GLT8D2: variants seen among roughly 807,000 people sequenced by gnomAD.
GLT8D2 encodes glycosyltransferase 8 domain containing 2.
GLT8D2 carries 45 observed loss-of-function variants against 44.5 expected under a neutral mutation model. That is an observed-to-expected ratio of 1.01 (90% confidence interval 0.80 to 1.30). GLT8D2 has a LOEUF of 1.30. GLT8D2 is among the 50% of genes most tolerant of loss of function. GLT8D2 has a pLI of 0.00. For missense variants in GLT8D2, 400 were observed against 430.4 expected (o/e 0.93, Z 0.62); for synonymous variants, 156 against 157.2 (o/e 0.99, Z 0.06).
chr12:104,023,153 G>T (rs2136393518), intron 1 of GLT8D2, among the ~76,000 whole-genome samples: 1 of 152,268 alleles, frequency 6.6e-6, no homozygotes, highest in Admixed American at 6.5e-5. Context: ...CAGGGGGAGG[G>T]AGAGCATCAG....
chr12:104,015,186 T>C (rs940884608), intron 3 of GLT8D2, 81 bp from the exon 4 acceptor site: 7 of 985,910 alleles, frequency 7.1e-6, no homozygotes, highest in South Asian at 6.9e-5. Context: ...GTAGTGCGAG[T>C]AGGTGCCTTC....
At chr12:104,029,540 T>C (rs1878999583) in intron 1 of GLT8D2, among the ~76,000 whole-genome samples, 1 of 152,138 alleles carries the variant, frequency 6.6e-6, no homozygotes, top group Non-Finnish European at 1.5e-5. Context: ...ACTGAGACAA[T>C]GCTAATGTGG....
intron 1 of GLT8D2, among the ~76,000 whole-genome samples, chr12:104,063,482 C>G (rs1236633873): frequency 4.6e-5 from 7 of 152,176 alleles, no homozygotes; most frequent in Non-Finnish European, 8.8e-5. Context: ...GGAGCTCGAG[C>G]TTGCAGTGAG....
intron 5 of GLT8D2, 98 bp from the exon 6 acceptor site, chr12:103,999,612 A>G: frequency 1.4e-6 from 1 of 729,306 alleles, no homozygotes; most frequent in Non-Finnish European, 2.4e-6. Flanking sequence ...CTAGAAAGTT[A>G]AAATTAAAAT....
intron 1 of GLT8D2, among the ~76,000 whole-genome samples, chr12:104,035,161 G>A (rs1488592095): frequency 6.6e-6 from 1 of 152,134 alleles, no homozygotes; most frequent in Non-Finnish European, 1.5e-5. Context: ...CTCAGTTGTA[G>A]GTCACCAACA....
chr12:103,996,669 C>G (rs1873458791), intron 8 of GLT8D2, 66 bp downstream of exon 8: 1 of 1,137,482 alleles, frequency 8.8e-7, no homozygotes, highest in Non-Finnish European at 1.3e-6. Flanking sequence ...TTTTGACTTG[C>G]AGAGGGGGGA....
At chr12:104,060,239 C>T (rs1882521189) in intron 1 of GLT8D2, among the ~76,000 whole-genome samples, 1 of 152,230 alleles carries the variant, frequency 6.6e-6, no homozygotes, top group Admixed American at 6.5e-5. Flanking sequence ...TCATGAGTGC[C>T]TCCTCTTGTC....
intron 4 of GLT8D2, among the ~76,000 whole-genome samples, chr12:104,013,389 C>T (rs1876122980): frequency 6.6e-6 from 1 of 151,972 alleles, no homozygotes; most frequent in Non-Finnish European, 1.5e-5. Context: ...TCATTTGTTC[C>T]TTTTTACTGT....
intron 1 of GLT8D2, among the ~76,000 whole-genome samples, chr12:104,044,303 C>T (rs543764414): frequency 1.3e-5 from 2 of 152,304 alleles, no homozygotes; most frequent in East Asian, 3.9e-4. Flanking sequence ...TACCATCTTC[C>T]AACAGACTGC....
intron 3 of GLT8D2, among the ~76,000 whole-genome samples, chr12:104,018,254 G>T (rs965023724): frequency 6.6e-6 from 1 of 152,128 alleles, no homozygotes; most frequent in Non-Finnish European, 1.5e-5. Flanking sequence ...ATACAGGCAT[G>T]AGCCACCGCA....
chr12:104,016,491 G>A (rs1876612675), intron 3 of GLT8D2, among the ~76,000 whole-genome samples: 1 of 151,574 alleles, frequency 6.6e-6, no homozygotes, highest in Non-Finnish European at 1.5e-5. Flanking sequence ...ACAAAAATTA[G>A]CCAGGTGTTG....
chr12:104,024,927 A>T (rs539807592), intron 1 of GLT8D2, among the ~76,000 whole-genome samples: 32 of 151,988 alleles, frequency 2.1e-4, no homozygotes, highest in South Asian at 1.7e-3. Context: ...AAAATTAACC[A>T]GGCGTGGTGG....
intron 1 of GLT8D2, among the ~76,000 whole-genome samples, chr12:104,045,117 A>G (rs563664083): frequency 2.0e-3 from 300 of 152,312 alleles, no homozygotes; most frequent in African/African-American, 7.0e-3. Context: ...TGTTGAATCA[A>G]TGAGAATCAG....
intron 3 of GLT8D2, among the ~76,000 whole-genome samples, chr12:104,015,435 C>CACACACACAA (rs1566198673): frequency 6.9e-6 from 1 of 144,620 alleles, no homozygotes; most frequent in Non-Finnish European, 1.5e-5. Context: ...CACACACACA[C>CACACACACAA]AAATTAGCTG....
chr12:103,989,971 T>C (rs916399671), intron 10 of GLT8D2, among the ~76,000 whole-genome samples: 6 of 151,752 alleles, frequency 4.0e-5, no homozygotes, highest in Non-Finnish European at 7.4e-5. Flanking sequence ...AATGATACTA[T>C]TTATTGACCA....
Position 104,021,912 on chromosome 12 carries a change from GAA to G in GLT8D2, c.-163-423_-163-422del, listed in dbSNP as rs1566202253. Among the ~76,000 whole-genome samples the G allele has an allele frequency of 2.4e-3, 39 of 16,332 alleles. 3 individuals are homozygous for G. The highest frequency in any genetic ancestry group is 8.9e-3 in the Admixed American group (10 of 1,126). The allele number at this position is 16,332 out of a possible 152,430, so 10.7% of individuals were successfully genotyped here. A position where few individuals can be genotyped will look rare whatever the true frequency, so the allele number is the denominator to read the frequency against. Reference sequence around the variant, plus strand: ...AGAAGAAGAAGAAGAAGAAGAAGAAGAAGAAGAAGAAGAAGAAGAAGAAGAAG... The same window carrying G: ...AGAAGAAGAAGAAGAAGAAGAAGAAGGAAGAAGAAGAAGAAGAAGAAGAAG... On this transcript the variant is annotated intron_variant, in intron 1 of 10. Transcript: ENST00000360814.
intron 10 of GLT8D2, among the ~76,000 whole-genome samples, chr12:103,992,018 T>G (rs1872800561): frequency 6.6e-6 from 1 of 151,310 alleles, no homozygotes; most frequent in Admixed American, 6.6e-5. Flanking sequence ...AAACAAAAGG[T>G]TTTTTAATAA....
intron 4 of GLT8D2, among the ~76,000 whole-genome samples, chr12:104,009,815 T>C (rs981018696): frequency 1.3e-5 from 2 of 152,234 alleles, no homozygotes; most frequent in Admixed American, 6.5e-5. Context: ...GATGGTTTTA[T>C]CAAGGATTTT....
chr12:104,047,938 C>T (rs915066089), intron 1 of GLT8D2, among the ~76,000 whole-genome samples: 4 of 152,214 alleles, frequency 2.6e-5, no homozygotes, highest in African/African-American at 7.2e-5. Flanking sequence ...TTTGTTAGAA[C>T]GTAGCCATGC....
Sources: allele counts gnomAD v4.1 joint callset (sites outside exome capture counted in the v4.1 genomes callset), GRCh38; gene constraint gnomAD v4.1.1; transcripts MANE v1.5; gene names NCBI Gene and HGNC (gene_info 2026-07-23, HGNC 2026-07-21).